The following NCOR2 variants were observed in gnomAD, a reference collection of about 807,000 sequenced individuals.
NCOR2 encodes nuclear receptor corepressor 2.
NCOR2 carries 81 observed loss-of-function variants against 262.9 expected under a neutral mutation model. That is an observed-to-expected ratio of 0.31 (90% CI 0.26 to 0.37). The LOEUF (loss-of-function observed/expected upper bound fraction) is 0.37. NCOR2 is among the 10% of genes least tolerant of loss of function. NCOR2 has a pLI of 1.00. For missense variants in NCOR2, 3,385 were observed against 3,621.4 expected (o/e 0.93, Z 1.68); for synonymous variants, 1,659 against 1,559.3 (o/e 1.06, Z -1.51).
At chr12:124,451,824 G>A (rs2045561364) in intron 6 of NCOR2, among the ~76,000 whole-genome samples, 1 of 152,142 alleles carries the variant, frequency 6.6e-6, no homozygotes, top group African/African-American at 2.4e-5. Context: ...GACGCCGGCA[G>A]AGTGGGCCAC....
intron 8 of NCOR2, among the ~76,000 whole-genome samples, chr12:124,431,816 GAC>G (rs1411521140): frequency 6.7e-6 from 1 of 150,112 alleles, no homozygotes; most frequent in Non-Finnish European, 1.5e-5. Context: ...CAGACAGACA[GAC>G]AGACACACAG....
chr12:124,495,403 C>T (rs796971130), upstream of NCOR2: 4 of 1,413,160 alleles, frequency 2.8e-6, no homozygotes, highest in African/African-American at 4.3e-5. This position sits in a 1 kb window ranked among gnomAD's most constrained non-coding sequence, Gnocchi z 4.4. Context: ...ACAAGATCAG[C>T]CACGGGGCAG....
chr12:124,528,223 G>C (rs117645397), intron 1 of NCOR2, among the ~76,000 whole-genome samples: 6,916 of 152,272 alleles, frequency 0.045, 216 homozygotes, highest in Middle Eastern at 0.078. Context: ...ACTATGAGAC[G>C]GAAGGAGACA....
chr12:124,545,836 A>G (rs532762242), intron 1 of NCOR2, among the ~76,000 whole-genome samples: 1 of 152,252 alleles, frequency 6.6e-6, no homozygotes, highest in Non-Finnish European at 1.5e-5. Context: ...ACAGCCTTTC[A>G]GCCTGGGGAC....
chr12:124,341,565 C>T (rs2036461151), intron 34 of NCOR2, among the ~76,000 whole-genome samples: 1 of 152,178 alleles, frequency 6.6e-6, no homozygotes, highest in South Asian at 2.1e-4. Flanking sequence ...TCCTGAGGCC[C>T]CTGTATCCTA....
At chr12:124,347,195 C>T (rs866977081) in intron 30 of NCOR2, among the ~76,000 whole-genome samples, 14 of 152,240 alleles carry the variant, frequency 9.2e-5, no homozygotes, top group African/African-American at 3.1e-4. Flanking sequence ...ATGGTGAAAC[C>T]CCACCTCTAC....
intron 16 of NCOR2, among the ~76,000 whole-genome samples, chr12:124,393,916 G>C (rs1485871270): frequency 6.6e-6 from 1 of 152,258 alleles, no homozygotes; most frequent in Non-Finnish European, 1.5e-5. Context: ...TTCGTGCTCT[G>C]GGTGTCGGCC....
At chr12:124,339,219 A>ACCACCCC (rs1566363037) in intron 37 of NCOR2, among the ~76,000 whole-genome samples, 4 of 63,318 alleles carry the variant, frequency 6.3e-5, no homozygotes, top group Admixed American at 2.0e-4. Flanking sequence ...TCTACCTACC[A>ACCACCCC]CCCACCCACC....
chr12:124,444,231 G>GT (rs1447249078), intron 7 of NCOR2, among the ~76,000 whole-genome samples: 1 of 152,198 alleles, frequency 6.6e-6, no homozygotes, highest in East Asian at 1.9e-4. Flanking sequence ...ACCACAGTCT[G>GT]TAGGAGGGCT....
chr12:124,434,457 C>T (rs993536903), intron 8 of NCOR2, among the ~76,000 whole-genome samples: 4 of 152,144 alleles, frequency 2.6e-5, no homozygotes, highest in African/African-American at 9.7e-5. Flanking sequence ...TTCTGCCTGC[C>T]TCTTCTCTAG....
upstream of NCOR2, among the ~76,000 whole-genome samples, chr12:124,498,138 A>G (rs2048474791): frequency 6.6e-6 from 1 of 152,248 alleles, no homozygotes; most frequent in Non-Finnish European, 1.5e-5. Flanking sequence ...CAAGGGCACC[A>G]CGGGCAACTT....
chr12:124,356,224 G>A lies in NCOR2; in HGVS notation c.3241+418C>T, dbSNP rs2037944049. Among the ~76,000 whole-genome samples the A allele has an allele frequency of 1.3e-5, 2 of 152,234 alleles. 1 individual carries two copies. The highest frequency in any genetic ancestry group is 4.1e-4 in the South Asian group (2 of 4,836). ...CAGCAGTCTGTACCAGCCCCCGGCT[G>A]TGCTGCTTTACAGCTGGTGAGGCCC... is the stretch of plus-strand genomic sequence containing the variant. On this transcript the variant is annotated intron_variant, in intron 23 of 46. Coordinates refer to ENST00000405201, the Ensembl canonical transcript of NCOR2.
chr12:124,340,728 G>A (rs1280521945), exon 35 of NCOR2: 3 of 1,545,718 alleles, frequency 1.9e-6, no homozygotes, highest in South Asian at 1.2e-5. Flanking sequence ...GGCAGGTGTG[G>A]CACTTGGGAC....
chr12:124,395,746 C>T (rs887731086), intron 16 of NCOR2, among the ~76,000 whole-genome samples: 2 of 152,070 alleles, frequency 1.3e-5, no homozygotes, highest in African/African-American at 2.4e-5. Context: ...ACACGAGACA[C>T]GAGAAGGGAT....
chr12:124,371,801 TTGGATGTCACCTCCTGGGGAGGTC>T (rs1241446716), intron 20 of NCOR2, among the ~76,000 whole-genome samples, 197 bp downstream of exon 22: 1 of 152,134 alleles, frequency 6.6e-6, no homozygotes, highest in Non-Finnish European at 1.5e-5. Flanking sequence ...GGGTCTCAGC[TTGGATGTCACCTCCTGGGGAGGTC>T]CTCCCGGCCA....
At chr12:124,489,403 G>A (rs1257397813) in intron 1 of NCOR2, among the ~76,000 whole-genome samples, 1 of 152,198 alleles carries the variant, frequency 6.6e-6, no homozygotes, top group Non-Finnish European at 1.5e-5. Flanking sequence ...GAAAACAGAG[G>A]CACAGAGAGG....
At chr12:124,458,158 C>T (rs1436503269) in intron 5 of NCOR2, among the ~76,000 whole-genome samples, 5 of 152,240 alleles carry the variant, frequency 3.3e-5, no homozygotes, top group East Asian at 1.9e-4. Context: ...CAGAAGTCAC[C>T]ATCACCATAC....
intron 13 of NCOR2, among the ~76,000 whole-genome samples, chr12:124,407,172 C>A (rs907326123): frequency 6.6e-6 from 1 of 152,236 alleles, no homozygotes; most frequent in Non-Finnish European, 1.5e-5. Context: ...GCCAGCATAA[C>A]CTGAACCCCC....
At chr12:124,472,084 C>T (rs992676949) in intron 4 of NCOR2, among the ~76,000 whole-genome samples, 5 of 152,082 alleles carry the variant, frequency 3.3e-5, no homozygotes, top group East Asian at 3.8e-4. Context: ...TGGCTGAACC[C>T]GGGATAGAGG....
Sources: allele counts gnomAD v4.1 joint callset (sites outside exome capture counted in the v4.1 genomes callset), GRCh38; gene constraint gnomAD v4.1.1; non-coding constraint Gnocchi (gnomAD v3.1); transcripts MANE v1.5; gene names NCBI Gene and HGNC (gene_info 2026-07-23, HGNC 2026-07-21).